GNG5: variants seen among roughly 807,000 people sequenced by gnomAD.
GNG5 encodes the protein G protein subunit gamma 5.
A neutral mutation model predicts 6.2 loss-of-function variants in GNG5; 2 were observed. That is an observed-to-expected ratio of 0.32 (90% CI 0.13 to 1.01). GNG5 has a LOEUF of 1.01. GNG5 is among the 50% of genes least tolerant of loss of function. GNG5 has a pLI of 0.48. For synonymous variants in GNG5, 24 were observed against 33.0 expected (o/e 0.73, Z 0.93); for missense variants, 57 against 80.2 (o/e 0.71, Z 1.10).
chr1:84,504,525 T>C (rs909203605), intron 2 of GNG5, among the ~76,000 whole-genome samples: 28 of 152,218 alleles, frequency 1.8e-4, no homozygotes, highest in African/African-American at 6.5e-4. Context: ...ATGTACAATT[T>C]ATTGCTTTCA....
In GNG5 at chr1:84,498,556, G is replaced by C. The variant is rs61768862; in HGVS notation, c.*20-8C>G. 1 of 3,234 alleles carries C rather than the reference G, an allele frequency of 3.1e-4. No individual in the cohort carries two copies. The highest frequency in any genetic ancestry group is 3.6e-4 in the African/African-American group (1 of 2,772). 0.2% of individuals were successfully genotyped at this position (3,234 alleles called of 1,614,324 possible). On this transcript the variant is annotated splice_polypyrimidine_tract_variant and splice_region_variant and intron_variant, in intron 3 of 3. Transcript: ENST00000370645. ...AGGAGTGGTTTGGGAAACCTAAGAT[G>C]GGGAAAAAAAAAAAAAGGTGAGTTA...
At chr1:84,501,725 C>A in intron 3 of GNG5, 101 bp downstream of exon 3, 1 of 696,808 alleles carries the variant, frequency 1.4e-6, no homozygotes. Context: ...AATGGAGGGC[C>A]AAAGGAAAGG....
intron 2 of GNG5, 39 bp downstream of exon 2, chr1:84,505,972 G>A (rs972467560): frequency 1.1e-5 from 15 of 1,332,096 alleles, no homozygotes; most frequent in Middle Eastern, 2.6e-4. Context: ...ACCCGCCGCC[G>A]CCGCCTTCCT....
At position 84,501,809 on chromosome 1, in the gene GNG5, A is replaced by T; in HGVS notation, c.*19+17T>A. The T allele has an allele frequency of 1.3e-6, 2 of 1,551,566 alleles. No homozygotes were observed. The highest frequency in any genetic ancestry group is 1.8e-6 in the Non-Finnish European group (2 of 1,126,302). ...TCCTACAGTGTGGGTTTTTGTTTTA[A>T]ATTTAAGGAAACTTACCTTTGAAAG... On this transcript the variant is annotated intron_variant, in intron 3 of 3. Coordinates refer to ENST00000370645, the MANE Select transcript of GNG5 (RefSeq NM_005274.3).
intron 3 of GNG5, among the ~76,000 whole-genome samples, chr1:84,500,632 T>C (rs758227884): frequency 4.6e-5 from 7 of 152,198 alleles, no homozygotes; most frequent in Non-Finnish European, 5.9e-5. Context: ...CTGTTAAATA[T>C]GAAAGTGAAT....
intron 3 of GNG5, among the ~76,000 whole-genome samples, chr1:84,499,304 G>A (rs529298019): frequency 2.6e-4 from 40 of 152,258 alleles, no homozygotes; most frequent in African/African-American, 9.6e-4. Flanking sequence ...TGTGAAAAAT[G>A]TTTAATCTCA....
Position 84,506,021 on chromosome 1 carries a change from T to G in GNG5, c.71A>C (p.Asn24Thr). 1 of 1,561,480 alleles carries G rather than the reference T, an allele frequency of 6.4e-7. No homozygotes were observed. The highest frequency in any genetic ancestry group is 8.6e-7 in the Non-Finnish European group (1 of 1,156,560). ...VQQLRLEAGL[N>T]RVKVSQAAAD... ...CCCGCCCCCGCTCACTTTTACGCGG[T>G]TGAGTCCGGCCTCCAGCCGGAGCTG... The change falls in exon 2 of 4, where the codon AAC becomes ACC. Residue 24 changes from asparagine to threonine, a missense_variant. Transcript: ENST00000370645.
intron 3 of GNG5, among the ~76,000 whole-genome samples, chr1:84,499,090 T>C (rs533280391): frequency 1.5e-3 from 229 of 152,112 alleles, no homozygotes; most frequent in African/African-American, 5.4e-3. Context: ...AAATAAGTTA[T>C]GTTTTCAAAC....
intron 2 of GNG5, 140 bp from the exon 3 acceptor site, chr1:84,502,110 G>C: frequency 7.3e-5 from 25 of 340,908 alleles, no homozygotes; most frequent in East Asian, 2.6e-4. Flanking sequence ...AATAATTGAA[G>C]ACTTAAGTCA....
chr1:84,505,844 G>T (rs1682187248), intron 2 of GNG5, among the ~76,000 whole-genome samples, 167 bp downstream of exon 2: 1 of 152,222 alleles, frequency 6.6e-6, no homozygotes, highest in African/African-American at 2.4e-5. Context: ...GACCCACGCG[G>T]CGCCTGCTCT....
Position 84,506,068 on chromosome 1 carries a change from G to A in GNG5, c.24C>T (p.Ala8=), listed in dbSNP as rs1230648715. 6 of 1,577,062 alleles carry A rather than the reference G, an allele frequency of 3.8e-6. No homozygotes were observed. The highest frequency in any genetic ancestry group is 1.4e-5 in the African/African-American group (1 of 71,568). Residue 8 remains alanine, a synonymous_variant, in exon 2 of 4, where the codon GCC becomes GCT. Coordinates refer to ENST00000370645, the MANE Select transcript of GNG5 (RefSeq NM_005274.3). MSGSSSV[A]AMKKVVQQLR... is the part of the protein sequence containing the mutation. The stretch of plus-strand genomic sequence containing the variant: ...GCTGTTGAACCACTTTCTTCATAGC[G>A]GCGACGCTGGAGGAGCCAGACATGG...
chr1:84,500,655 T>C (rs1339532788), intron 3 of GNG5, among the ~76,000 whole-genome samples: 1 of 152,222 alleles, frequency 6.6e-6, no homozygotes, highest in Non-Finnish European at 1.5e-5. Context: ...CTTCTTCATG[T>C]GCATTTTTGT....
intron 1 of GNG5, 55 bp from the exon 2 acceptor site, chr1:84,506,356 G>C (rs2101895828): frequency 8.5e-6 from 3 of 352,890 alleles, no homozygotes; most frequent in East Asian, 1.0e-4. Context: ...GCGGCTGCTG[G>C]AGGCTAGCGC....
In GNG5 at chr1:84,501,605, C is replaced by T. The variant is rs1055884466; in HGVS notation, c.*19+221G>A. ...TATACCCTCTTTATGGTTATTAAATCCTCTACTTAACCTTCTTTATGGTAA... is the reference window on the plus strand; with the variant it reads ...TATACCCTCTTTATGGTTATTAAATTCTCTACTTAACCTTCTTTATGGTAA... On this transcript the variant is annotated intron_variant, in intron 3 of 3. Coordinates refer to ENST00000370645, the MANE Select transcript of GNG5 (RefSeq NM_005274.3). 3.9e-5 allele frequency among the ~76,000 whole-genome samples: 6 copies of T among 152,264 alleles called. No homozygotes were observed. In the South Asian group the frequency reaches 1.2e-3, roughly 32 times the overall value.
In GNG5 at chr1:84,499,027, C is replaced by T. The variant is rs888145269; in HGVS notation, c.*20-479G>A. Among the ~76,000 whole-genome samples the T allele has an allele frequency of 7.9e-5, 12 of 152,002 alleles. No homozygotes were observed. In the South Asian group the frequency reaches 1.5e-3, roughly 18 times the overall value. ...ATAACTCCGTAGGAGAATGGATAAA[C>T]GAAGGTTTCTACATATGATGGAATA... On this transcript the variant is annotated intron_variant, in intron 3 of 3. Transcript: ENST00000370645.
intron 3 of GNG5, among the ~76,000 whole-genome samples, chr1:84,499,398 T>G (rs1682006928): frequency 6.6e-6 from 1 of 152,162 alleles, no homozygotes. Context: ...GGCCAAAGTA[T>G]TATATTGGCA....
chr1:84,502,464 G>T (rs1018157694), intron 2 of GNG5, among the ~76,000 whole-genome samples: 2 of 152,206 alleles, frequency 1.3e-5, no homozygotes, highest in African/African-American at 2.4e-5. Context: ...ACTAGTGCTT[G>T]CAAATAAGAC....
At chr1:84,498,859 G>T (rs1437597592) in intron 3 of GNG5, among the ~76,000 whole-genome samples, 4 of 152,082 alleles carry the variant, frequency 2.6e-5, no homozygotes, top group Non-Finnish European at 5.9e-5. Context: ...ACTATATTTA[G>T]CAGGGCAGTT....
chr1:84,499,800 A>G lies in GNG5; in HGVS notation c.*20-1252T>C, dbSNP rs141191364. Among the ~76,000 whole-genome samples, 331 of 152,314 alleles carry G rather than the reference A, an allele frequency of 2.2e-3. 3 individuals carry two copies. Among genetic ancestry groups the G allele is most frequent in the African/African-American group, 7.7e-3 (319 of 41,570 alleles). On this transcript the variant is annotated intron_variant, in intron 3 of 3. Transcript: ENST00000370645. Reference sequence around the variant, plus strand: ...ATTTCAAAAGCTGGAATCTCAAAAAAAATAGTAAAATTTCCTCTTAAAAGG... The same window carrying G: ...ATTTCAAAAGCTGGAATCTCAAAAAGAATAGTAAAATTTCCTCTTAAAAGG...
Sources: gnomAD v4.1 joint callset for allele counts (sites outside exome capture counted in the v4.1 genomes callset) on GRCh38, gnomAD v4.1.1 for gene constraint, MANE v1.5 for transcripts, NCBI Gene and HGNC (gene_info 2026-07-23, HGNC 2026-07-21) for gene names.